COG5: variants seen among roughly 807,000 people sequenced by gnomAD.
The protein encoded by COG5 is conserved oligomeric Golgi complex subunit 5.
In COG5, 86 loss-of-function variants were observed where a neutral mutation model predicts 110.4. That is an observed-to-expected ratio of 0.78 (90% CI 0.65 to 0.93). The LOEUF (loss-of-function observed/expected upper bound fraction) is 0.93, where lower values mean the gene tolerates loss of function less well. Among genes scored for constraint, COG5 ranks in the 40% least tolerant of loss-of-function variants. COG5 has a pLI of 0.00. For synonymous variants in COG5, 360 were observed against 334.6 expected, an observed-to-expected ratio of 1.08 and a Z score of -0.83; for missense variants, 1,077 against 987.0, an observed-to-expected ratio of 1.09 and a Z score of -1.22.
intron 19 of COG5, among the ~76,000 whole-genome samples, chr7:107,223,260 G>A (rs1372634598): frequency 2.0e-5 from 3 of 152,210 alleles, no homozygotes; most frequent in Non-Finnish European, 4.4e-5. Context: ...AGGACACAAT[G>A]AGGGCCTCTG....
At chr7:107,245,164 T>G (rs1407705131) in intron 17 of COG5, among the ~76,000 whole-genome samples, 1 of 152,196 alleles carries the variant, frequency 6.6e-6, no homozygotes, top group Admixed American at 6.5e-5. Context: ...AATTTAACAC[T>G]TCTTCATGTT....
At chr7:107,262,497 T>C (rs567554442) in intron 14 of COG5, among the ~76,000 whole-genome samples, 10 of 152,250 alleles carry the variant, frequency 6.6e-5, no homozygotes, top group African/African-American at 2.4e-4. Flanking sequence ...ATATTCATGG[T>C]CACTTAGGAA....
chr7:107,372,096 T>A (rs1002541509), intron 8 of COG5, among the ~76,000 whole-genome samples: 2 of 152,206 alleles, frequency 1.3e-5, no homozygotes, highest in African/African-American at 4.8e-5. Context: ...TACCATCCTT[T>A]AATAGTTTTC....
In COG5 at chr7:107,311,370, A is replaced by ATTTTTTTTTTTTTT. The variant is rs71134260; in HGVS notation, c.1109-13038_1109-13025dup. On this transcript the variant is annotated intron_variant, in intron 11 of 21. Coordinates refer to ENST00000297135, the MANE Select transcript of COG5 (RefSeq NM_006348.5). The stretch of plus-strand genomic sequence containing the variant: ...TATAAGTGATATCGAGCGTATTTAC[A>ATTTTTTTTTTTTTT]TTTTTTTTTTTTTTTTTTTTTTTTT... 1.2e-4 allele frequency among the ~76,000 whole-genome samples: 7 copies of ATTTTTTTTTTTTTT among 58,950 alleles called. 3 individuals carry two copies. Among genetic ancestry groups the ATTTTTTTTTTTTTT allele is most frequent in the Non-Finnish European group, 2.1e-4 (7 of 32,840 alleles). The allele number at this position is 58,950 out of a possible 152,430, so 38.7% of individuals were successfully genotyped here.
chr7:107,461,039 A>G (rs938712713), intron 6 of COG5, among the ~76,000 whole-genome samples: 43 of 152,154 alleles, frequency 2.8e-4, no homozygotes, highest in African/African-American at 1.0e-3. Context: ...ACTAACTCTG[A>G]TCTTACAAAA....
At chr7:107,274,249 G>A (rs1804508482) in intron 14 of COG5, among the ~76,000 whole-genome samples, 1 of 152,134 alleles carries the variant, frequency 6.6e-6, no homozygotes, top group South Asian at 2.1e-4. Context: ...AACATTGGTT[G>A]CACCTGTGAA....
chr7:107,379,143 A>C (rs1028353275), intron 7 of COG5, among the ~76,000 whole-genome samples: 14 of 152,340 alleles, frequency 9.2e-5, no homozygotes, highest in African/African-American at 3.4e-4. Context: ...AAGAATTTTC[A>C]ACCCAGAATT....
chr7:107,536,972 A>G (rs1441232651), intron 5 of COG5, among the ~76,000 whole-genome samples: 2 of 152,150 alleles, frequency 1.3e-5, no homozygotes, highest in Non-Finnish European at 2.9e-5. Flanking sequence ...AAATAACACC[A>G]CATATCTACA....
chr7:107,270,999 G>A (rs892083385), intron 14 of COG5, among the ~76,000 whole-genome samples: 6 of 145,990 alleles, frequency 4.1e-5, no homozygotes, highest in Non-Finnish European at 8.9e-5. Context: ...ATTTACAGGC[G>A]TGAGACACCA....
Position 107,302,775 on chromosome 7 carries a change from G to C in COG5, c.1109-4429C>G, listed in dbSNP as rs111434799. ...TCATTTACTATTCACTACAAAAGTA[G>C]TAGTTTCTTCAAGCTGAAAGTTCCT... is the stretch of plus-strand genomic sequence containing the variant. On this transcript the variant is annotated intron_variant, in intron 11 of 21. Transcript: ENST00000297135. Among the ~76,000 whole-genome samples, 1,025 of 152,278 alleles carry C rather than the reference G, an allele frequency of 6.7e-3. 15 individuals are homozygous for C. The highest frequency in any genetic ancestry group is 0.024 in the African/African-American group (977 of 41,538).
intron 7 of COG5, among the ~76,000 whole-genome samples, chr7:107,411,895 ATCTAAT>A (rs1162946848): frequency 3.9e-5 from 6 of 151,914 alleles, no homozygotes; most frequent in Non-Finnish European, 8.8e-5. Flanking sequence ...TAGATCTAAG[ATCTAAT>A]TCTAAGTTGT....
rs190851746 is a variant in COG5, at chr7:107,535,676, A to G, written c.418-8319T>C. The stretch of plus-strand genomic sequence containing the variant: ...AAATTGAAGCACTAATAGCCTACTA[A>G]CCAAAAATAGCCCAGGACCAGACAG... On this transcript the variant is annotated intron_variant, in intron 5 of 21. Coordinates refer to ENST00000297135, the MANE Select transcript of COG5 (RefSeq NM_006348.5). Among the ~76,000 whole-genome samples the G allele has an allele frequency of 8.5e-5, 13 of 152,332 alleles. No homozygotes were observed. The East Asian group carries it at 2.3e-3, about 27-fold the overall frequency.
intron 16 of COG5, among the ~76,000 whole-genome samples, chr7:107,250,177 G>A (rs1802384623): frequency 6.6e-6 from 1 of 152,176 alleles, no homozygotes; most frequent in Non-Finnish European, 1.5e-5. Flanking sequence ...CCACGGCAGT[G>A]GTACAGAGCT....
intron 7 of COG5, among the ~76,000 whole-genome samples, chr7:107,390,966 T>G (rs1173448180): frequency 6.6e-6 from 1 of 151,702 alleles, no homozygotes; most frequent in Non-Finnish European, 1.5e-5. Context: ...GGCACCCTAA[T>G]CCTCTTTGAG....
chr7:107,436,738 A>G (rs900083288), intron 6 of COG5, among the ~76,000 whole-genome samples: 3 of 152,332 alleles, frequency 2.0e-5, no homozygotes, highest in Middle Eastern at 3.4e-3. Flanking sequence ...AAATTGAATT[A>G]AAAGGGGAAT....
intron 18 of COG5, among the ~76,000 whole-genome samples, chr7:107,233,856 T>C (rs1278698678): frequency 6.6e-6 from 1 of 152,196 alleles, no homozygotes. Context: ...GAAAAACACT[T>C]TCAACCAAAT....
intron 2 of COG5, among the ~76,000 whole-genome samples, chr7:107,556,682 G>A (rs2129178555): frequency 6.6e-6 from 1 of 152,248 alleles, no homozygotes; most frequent in South Asian, 2.1e-4. Flanking sequence ...CCACTGGTCT[G>A]TGGGTCCTTG....
At chr7:107,232,164 A>C (rs537255502) in intron 18 of COG5, among the ~76,000 whole-genome samples, 1 of 152,352 alleles carries the variant, frequency 6.6e-6, no homozygotes, top group African/African-American at 2.4e-5. Context: ...AATAAATATA[A>C]AGATAAAAAT....
intron 6 of COG5, among the ~76,000 whole-genome samples, chr7:107,418,869 G>C (rs191653344): frequency 3.0e-4 from 45 of 151,940 alleles, no homozygotes; most frequent in African/African-American, 1.1e-3. Flanking sequence ...CCGCCTCCGG[G>C]GTTCAAGCGA....
Sources: allele counts gnomAD v4.1 joint callset (sites outside exome capture counted in the v4.1 genomes callset), GRCh38; gene constraint gnomAD v4.1.1; transcripts MANE v1.5; gene names NCBI Gene and HGNC (gene_info 2026-07-23, HGNC 2026-07-21).